Variants in STXBP5 observed in about 807,000 individuals in gnomAD.
The protein encoded by STXBP5 is syntaxin-binding protein 5.
Under a neutral mutation model 152.4 loss-of-function variants are expected in STXBP5, and 50 were observed. The ratio of observed to expected loss-of-function variants is 0.33; its 90% CI spans 0.26 to 0.42. The LOEUF (loss-of-function observed/expected upper bound fraction) is 0.42, where lower values mean the gene tolerates loss of function less well. STXBP5 is among the 10% of genes least tolerant of loss of function. The pLI is 1.00. For missense variants in STXBP5, 1,167 were observed against 1,388.6 expected, an observed-to-expected ratio of 0.84 and a Z score of 2.54; for synonymous variants, 492 against 494.7, an observed-to-expected ratio of 0.99 and a Z score of 0.07.
intron 16 of STXBP5, among the ~76,000 whole-genome samples, chr6:147,318,194 G>A (rs781654322): frequency 6.6e-6 from 1 of 152,094 alleles, no homozygotes; most frequent in African/African-American, 2.4e-5. Flanking sequence ...GCTTTCTCAT[G>A]ACAAGATAGG....
chr6:147,315,408 G>T, intron 14 of STXBP5, 107 bp from the exon 15 acceptor site: 2 of 661,848 alleles, frequency 3.0e-6, no homozygotes, highest in South Asian at 4.9e-5. Context: ...AAAATATGAT[G>T]TAGTTAAATA....
At chr6:147,231,136 G>C (rs1228802126) in intron 2 of STXBP5, among the ~76,000 whole-genome samples, 1 of 151,398 alleles carries the variant, frequency 6.6e-6, no homozygotes, top group Non-Finnish European at 1.5e-5. Flanking sequence ...ATTTGTTTCT[G>C]TTCATGTGTC....
At chr6:147,211,971 A>G (rs553478350) in intron 2 of STXBP5, among the ~76,000 whole-genome samples, 48 of 152,226 alleles carry the variant, frequency 3.2e-4, no homozygotes, top group Non-Finnish European at 6.2e-4. Context: ...GTAGTTGTGC[A>G]GGAGAAACAA....
chr6:147,303,393 C>T (rs1213956483), intron 9 of STXBP5, among the ~76,000 whole-genome samples: 1 of 152,154 alleles, frequency 6.6e-6, no homozygotes, highest in Non-Finnish European at 1.5e-5. Context: ...GCTGCACCTT[C>T]CACCATGATG....
chr6:147,339,116 GT>G, intron 19 of STXBP5, 62 bp from the exon 20 acceptor site: 1 of 1,359,978 alleles, frequency 7.4e-7, no homozygotes, highest in Non-Finnish European at 9.9e-7. Context: ...CATTTTTCTT[GT>G]TACAGCTCAG....
At chr6:147,251,087 C>G (rs1021230342) in intron 4 of STXBP5, among the ~76,000 whole-genome samples, 4 of 152,020 alleles carry the variant, frequency 2.6e-5, no homozygotes, top group African/African-American at 9.7e-5. Context: ...ACGGAGGTAC[C>G]CAGCTCATCT....
At chr6:147,271,530 A>T (rs1036091737) in intron 7 of STXBP5, among the ~76,000 whole-genome samples, 5 of 152,178 alleles carry the variant, frequency 3.3e-5, no homozygotes, top group African/African-American at 1.2e-4. Context: ...TGAAAAGGGA[A>T]ACAACATATT....
chr6:147,305,929 TCAG>T (rs1782067862), intron 9 of STXBP5, among the ~76,000 whole-genome samples: 1 of 152,174 alleles, frequency 6.6e-6, no homozygotes, highest in East Asian at 1.9e-4. Context: ...TTTGGTAAAA[TCAG>T]TAATGCAGAC....
intron 5 of STXBP5, 86 bp from the exon 6 acceptor site, chr6:147,262,204 T>C (rs1316879248): frequency 2.6e-6 from 2 of 783,660 alleles, no homozygotes; most frequent in Non-Finnish European, 2.0e-6. Context: ...TAACTTATTT[T>C]CTATTTATTT....
intron 4 of STXBP5, among the ~76,000 whole-genome samples, chr6:147,254,233 T>C (rs1308005243): frequency 6.6e-6 from 1 of 152,162 alleles, no homozygotes; most frequent in African/African-American, 2.4e-5. Flanking sequence ...GAAAACTGGA[T>C]AGCCATATGC....
At chr6:147,232,995 G>A (rs1290842073) in intron 2 of STXBP5, among the ~76,000 whole-genome samples, 1 of 151,684 alleles carries the variant, frequency 6.6e-6, no homozygotes, top group Non-Finnish European at 1.5e-5. Context: ...TTCTTAGAAG[G>A]CTCAAATTAG....
intron 25 of STXBP5, among the ~76,000 whole-genome samples, chr6:147,370,361 A>G (rs1231657229): frequency 6.6e-6 from 1 of 152,052 alleles, no homozygotes; most frequent in Non-Finnish European, 1.5e-5. Flanking sequence ...GAAATTCACC[A>G]AATTGTACAC....
chr6:147,361,058 AATGATATTC>A (rs1445489564), intron 23 of STXBP5, among the ~76,000 whole-genome samples: 1 of 152,208 alleles, frequency 6.6e-6, no homozygotes, highest in Non-Finnish European at 1.5e-5. Context: ...CAGGTTACAT[AATGATATTC>A]TTACTAATCT....
chr6:147,366,500 T>C (rs1785297236), intron 25 of STXBP5, among the ~76,000 whole-genome samples: 2 of 152,208 alleles, frequency 1.3e-5, no homozygotes, highest in African/African-American at 4.8e-5. Flanking sequence ...CCAGAGGCTC[T>C]AAAAGATAAT....
intron 17 of STXBP5, among the ~76,000 whole-genome samples, chr6:147,326,627 G>A (rs900168734): frequency 6.6e-6 from 1 of 152,100 alleles, no homozygotes; most frequent in Non-Finnish European, 1.5e-5. Flanking sequence ...TAGTTGATTG[G>A]TTTATAGTTC....
intron 19 of STXBP5, among the ~76,000 whole-genome samples, chr6:147,336,163 CTT>C (rs1200665206): frequency 6.6e-6 from 1 of 152,062 alleles, no homozygotes; most frequent in Non-Finnish European, 1.5e-5. Flanking sequence ...AAAAGTCAAA[CTT>C]TAATAGGGAA....
intron 9 of STXBP5, chr6:147,292,289 T>A (rs974444089): frequency 4.4e-6 from 2 of 450,064 alleles, no homozygotes; most frequent in Non-Finnish European, 8.9e-6. Context: ...CAACAATAGC[T>A]ATATTCCAAC....
chr6:147,292,436 A>G (rs546114455), intron 9 of STXBP5: 16 of 266,350 alleles, frequency 6.0e-5, no homozygotes, highest in African/African-American at 3.7e-4. Flanking sequence ...AAAATGTCAG[A>G]CATTAGTTGT....
chr6:147,363,001 C>T (rs576655045), intron 23 of STXBP5, among the ~76,000 whole-genome samples: 1 of 152,314 alleles, frequency 6.6e-6, no homozygotes, highest in South Asian at 2.1e-4. Flanking sequence ...TGGTAGTGCA[C>T]TTACTGGGTA....
Sources: allele counts gnomAD v4.1 joint callset (sites outside exome capture counted in the v4.1 genomes callset), GRCh38; gene constraint gnomAD v4.1.1; transcripts MANE v1.5; gene names NCBI Gene and HGNC (gene_info 2026-07-23, HGNC 2026-07-21).